The following DDX60L variants were observed in gnomAD, a reference collection of about 807,000 sequenced individuals.
The protein encoded by DDX60L is DExD/H-box 60 like.
In DDX60L, 191 loss-of-function variants were observed where a neutral mutation model predicts 211.6. The ratio of observed to expected loss-of-function variants is 0.90; its 90% CI spans 0.80 to 1.02. DDX60L has a LOEUF of 1.02. DDX60L is among the 50% of genes least tolerant of loss of function. The pLI, the probability that DDX60L is intolerant of heterozygous loss-of-function variation, is 0.00. For missense variants in DDX60L, 2,007 were observed against 1,984.1 expected (o/e 1.01, Z -0.22); for synonymous variants, 706 against 694.1 (o/e 1.02, Z -0.27).
intron 16 of DDX60L, 54 bp downstream of exon 16, chr4:168,422,470 T>C (rs973867886): frequency 8.5e-6 from 13 of 1,533,152 alleles, no homozygotes; most frequent in Non-Finnish European, 1.1e-5. Context: ...GACACAGTAA[T>C]GAAAAGTTCT....
chr4:168,474,868 C>A (rs191493522), intron 1 of DDX60L, among the ~76,000 whole-genome samples: 2 of 152,190 alleles, frequency 1.3e-5, no homozygotes, highest in Admixed American at 1.3e-4. Flanking sequence ...AAGACTGCCT[C>A]AGGGCTGAAG....
intron 36 of DDX60L, among the ~76,000 whole-genome samples, chr4:168,367,005 A>G (rs909848505): frequency 6.6e-6 from 1 of 151,938 alleles, no homozygotes. Context: ...ATATGTTAAT[A>G]TGTTAATAAC....
chr4:168,460,141 G>T (rs1009159298), intron 5 of DDX60L, among the ~76,000 whole-genome samples: 4 of 152,048 alleles, frequency 2.6e-5, no homozygotes, highest in African/African-American at 9.7e-5. Context: ...ATAAACTATC[G>T]AATGGCCTGC....
chr4:168,428,831 C>T (rs781477093), intron 13 of DDX60L, among the ~76,000 whole-genome samples: 1 of 152,122 alleles, frequency 6.6e-6, no homozygotes, highest in Non-Finnish European at 1.5e-5. Flanking sequence ...ATTTGTGTTA[C>T]CTGATACTTT....
intron 22 of DDX60L, among the ~76,000 whole-genome samples, chr4:168,413,356 G>T (rs1749014435): frequency 6.6e-6 from 1 of 152,032 alleles, no homozygotes; most frequent in Admixed American, 6.6e-5. Context: ...TATCCCTGAT[G>T]AATATTAATG....
chr4:168,458,611 C>T (rs1756899012), intron 5 of DDX60L, among the ~76,000 whole-genome samples: 1 of 152,058 alleles, frequency 6.6e-6, no homozygotes, highest in Non-Finnish European at 1.5e-5. Flanking sequence ...AATGAGAACA[C>T]ATGGACACAG....
rs497151 is a variant in DDX60L at position 168,358,019 on chromosome 4, A to G, written c.*128T>C. On this transcript the variant is annotated 3_prime_UTR_variant, in exon 38 of 38. Transcript: ENST00000682922. The stretch of plus-strand genomic sequence containing the variant: ...ATTCAGTTAGAAAATAGCAGAGCTG[A>G]TATCTGAGTTTAATTCTGTTTGACT... 0.77 allele frequency: 590,920 copies of G among 765,562 alleles called. 230,462 individuals carry two copies. Among genetic ancestry groups the G allele is most frequent in the East Asian group, 0.86 (31,160 of 36,356 alleles). 47.4% of individuals were successfully genotyped at this position (765,562 alleles called of 1,614,324 possible).
chr4:168,363,528 G>A (rs1292846119), intron 36 of DDX60L, among the ~76,000 whole-genome samples: 4 of 152,110 alleles, frequency 2.6e-5, no homozygotes, highest in African/African-American at 9.7e-5. Flanking sequence ...ATACACAATA[G>A]ATAAAGATGT....
intron 10 of DDX60L, among the ~76,000 whole-genome samples, chr4:168,440,011 A>G (rs1252560514): frequency 6.6e-6 from 1 of 152,238 alleles, no homozygotes; most frequent in East Asian, 1.9e-4. Flanking sequence ...GAAAATGCAA[A>G]TTCAAACCAC....
At chr4:168,447,317 C>CA (rs1308831354) in intron 9 of DDX60L, among the ~76,000 whole-genome samples, 1 of 147,094 alleles carries the variant, frequency 6.8e-6, no homozygotes, top group African/African-American at 2.5e-5. Flanking sequence ...AAATGCAAAT[C>CA]AAAACCACAA....
intron 10 of DDX60L, among the ~76,000 whole-genome samples, chr4:168,437,530 A>C (rs1004771500): frequency 1.3e-5 from 2 of 152,184 alleles, no homozygotes; most frequent in Non-Finnish European, 2.9e-5. Context: ...ACCCCAGAGA[A>C]ACATTTAAGA....
intron 14 of DDX60L, among the ~76,000 whole-genome samples, chr4:168,424,527 G>A (rs1751163455): frequency 6.6e-6 from 1 of 152,130 alleles, no homozygotes; most frequent in East Asian, 1.9e-4. Flanking sequence ...TTAAGACAGA[G>A]TTCTTACATC....
chr4:168,443,049 G>A (rs1448510514), intron 9 of DDX60L, among the ~76,000 whole-genome samples: 1 of 152,088 alleles, frequency 6.6e-6, no homozygotes, highest in Admixed American at 6.5e-5. Flanking sequence ...TGAGCTGAGA[G>A]AAGAAGGCTT....
chr4:168,389,457 GCTAGGAAAAATCACA>G (rs1744433411), intron 29 of DDX60L, among the ~76,000 whole-genome samples: 1 of 152,122 alleles, frequency 6.6e-6, no homozygotes, highest in Non-Finnish European at 1.5e-5. Context: ...TACCTGCTGT[GCTAGGAAAAATCACA>G]CTCCCATGAG....
chr4:168,378,534 G>A (rs1345636466), intron 32 of DDX60L, 59 bp from the exon 33 acceptor site: 9 of 1,323,806 alleles, frequency 6.8e-6, no homozygotes, highest in Non-Finnish European at 9.1e-6. Flanking sequence ...TTTATTTTCT[G>A]CCTAAATTTG....
At chr4:168,427,672 A>G (rs945337860) in intron 13 of DDX60L, among the ~76,000 whole-genome samples, 3 of 152,198 alleles carry the variant, frequency 2.0e-5, no homozygotes, top group Admixed American at 2.0e-4. Flanking sequence ...AACTTAATTA[A>G]TTTATTCATT....
At chr4:168,432,926 T>C in intron 11 of DDX60L, 84 bp downstream of exon 11, 1 of 793,732 alleles carries the variant, frequency 1.3e-6, no homozygotes, top group Admixed American at 2.4e-5. Context: ...TATGATATAT[T>C]ACATAGACAT....
At chr4:168,415,179 T>C (rs1312569335) in intron 22 of DDX60L, among the ~76,000 whole-genome samples, 1 of 152,074 alleles carries the variant, frequency 6.6e-6, no homozygotes, top group Non-Finnish European at 1.5e-5. Context: ...ATTGCATGTC[T>C]GTATCAAAAT....
intron 37 of DDX60L, 52 bp from the exon 38 acceptor site, chr4:168,358,328 C>T (rs1024150728): frequency 2.3e-6 from 3 of 1,299,036 alleles, no homozygotes; most frequent in African/African-American, 3.1e-5. Flanking sequence ...ATTTTTATAA[C>T]AATCAATATT....
Sources: gnomAD v4.1 joint callset for allele counts (sites outside exome capture counted in the v4.1 genomes callset) on GRCh38, gnomAD v4.1.1 for gene constraint, MANE v1.5 for transcripts, NCBI Gene and HGNC (gene_info 2026-07-23, HGNC 2026-07-21) for gene names.